The following CDK14 variants were observed in gnomAD, a reference collection of about 807,000 sequenced individuals.
The protein encoded by CDK14 is cyclin dependent kinase 14, also known as cyclin-dependent kinase 14.
A neutral mutation model predicts 60.7 loss-of-function variants in CDK14; 34 were observed. The observed-to-expected ratio is 0.56, with a 90% CI of 0.43 to 0.75. CDK14 has a LOEUF of 0.75. Ranked by LOEUF, CDK14 falls within the 30% of genes least tolerant of loss-of-function variation. CDK14 has a pLI of 0.00. For missense variants in CDK14, 482 were observed against 564.1 expected (o/e 0.85, Z 1.47); for synonymous variants, 197 against 203.7 (o/e 0.97, Z 0.28).
intron 14 of CDK14, among the ~76,000 whole-genome samples, chr7:91,181,928 G>T (rs1234089756): frequency 1.3e-5 from 2 of 152,028 alleles, no homozygotes; most frequent in Non-Finnish European, 2.9e-5. Flanking sequence ...AGTACTAAGG[G>T]TATACATTGC....
chr7:90,600,948 G>T (rs924247093), intron 1 of CDK14, among the ~76,000 whole-genome samples: 1 of 152,196 alleles, frequency 6.6e-6, no homozygotes, highest in Non-Finnish European at 1.5e-5. Context: ...AATGTGGGTG[G>T]TCCCTGTCCT....
intron 12 of CDK14, among the ~76,000 whole-genome samples, chr7:91,094,483 C>T (rs1450732907): frequency 6.6e-6 from 1 of 152,160 alleles, no homozygotes; most frequent in East Asian, 1.9e-4. Context: ...CACGTCTGTG[C>T]CTCACAGCAT....
intron 3 of CDK14, among the ~76,000 whole-genome samples, chr7:90,746,976 AC>A (rs1264135470): frequency 1.3e-5 from 2 of 152,222 alleles, no homozygotes; most frequent in Non-Finnish European, 2.9e-5. Flanking sequence ...ATCATGATTT[AC>A]AATGGGATAC....
chr7:90,663,879 A>C (rs1286906700), intron 2 of CDK14, among the ~76,000 whole-genome samples: 3 of 152,180 alleles, frequency 2.0e-5, no homozygotes, highest in Non-Finnish European at 2.9e-5. Context: ...CACATATTTT[A>C]TATTTTCCTT....
intron 5 of CDK14, among the ~76,000 whole-genome samples, chr7:90,841,269 A>T (rs1790281232): frequency 6.6e-6 from 1 of 152,158 alleles, no homozygotes; most frequent in African/African-American, 2.4e-5. Flanking sequence ...CAATATAGAA[A>T]ACAAACAGTG....
chr7:91,038,418 A>G (rs980042785), intron 10 of CDK14, among the ~76,000 whole-genome samples: 14 of 152,240 alleles, frequency 9.2e-5, no homozygotes, highest in African/African-American at 3.4e-4. Context: ...TTAGAGTCCA[A>G]TGAAAGAAAT....
At chr7:90,652,911 G>C (rs567428176) in intron 2 of CDK14, among the ~76,000 whole-genome samples, 121 of 152,226 alleles carry the variant, frequency 7.9e-4, no homozygotes, top group African/African-American at 2.7e-3. Flanking sequence ...CTGTGTCTTT[G>C]CTTGTTTGCA....
At chr7:90,662,433 C>T (rs1800882802) in intron 2 of CDK14, among the ~76,000 whole-genome samples, 1 of 152,152 alleles carries the variant, frequency 6.6e-6, no homozygotes, top group African/African-American at 2.4e-5. Flanking sequence ...GAGATGGGGA[C>T]ATTTAAATGG....
rs182540772 is a variant in CDK14 at position 90,755,880 on chromosome 7, T to C, written c.464+8105T>C. Among the ~76,000 whole-genome samples, 8 of 152,320 alleles carry C rather than the reference T, an allele frequency of 5.3e-5. No individual in the cohort carries two copies. In the East Asian group the frequency reaches 1.5e-3, roughly 29 times the overall value. On this transcript the variant is annotated intron_variant, in intron 4 of 14. Coordinates refer to ENST00000380050, the MANE Select transcript of CDK14 (RefSeq NM_001287135.2). ...AATTTAGTGTCAATAACATGATAAC[T>C]ACCCTTTATTAAGCAATTATTTTGT...
intron 2 of CDK14, among the ~76,000 whole-genome samples, chr7:90,673,327 G>A (rs992554035): frequency 6.6e-6 from 1 of 152,132 alleles, no homozygotes; most frequent in African/African-American, 2.4e-5. Context: ...GAAAGAAGAG[G>A]GAGTGATGCT....
chr7:90,753,706 C>A (rs1803939769), intron 4 of CDK14, among the ~76,000 whole-genome samples: 1 of 152,126 alleles, frequency 6.6e-6, no homozygotes, highest in Non-Finnish European at 1.5e-5. Flanking sequence ...TCCATCTTTG[C>A]TGACAATATG....
intron 5 of CDK14, among the ~76,000 whole-genome samples, chr7:90,853,910 C>T (rs1356954650): frequency 2.0e-5 from 3 of 152,114 alleles, no homozygotes; most frequent in East Asian, 1.9e-4. Flanking sequence ...CCTGGAGCTG[C>T]GGCTGTTGCG....
intron 10 of CDK14, among the ~76,000 whole-genome samples, chr7:91,035,908 A>G (rs1340233514): frequency 2.0e-5 from 3 of 146,866 alleles, no homozygotes; most frequent in African/African-American, 5.1e-5. Flanking sequence ...CAGTGGCGCA[A>G]TCTCGGCTCA....
At chr7:91,134,954 A>G (rs1584109552) in intron 14 of CDK14, among the ~76,000 whole-genome samples, 1 of 152,258 alleles carries the variant, frequency 6.6e-6, no homozygotes, top group East Asian at 1.9e-4. Context: ...GAACCAGCTT[A>G]TTAAATTGGC....
intron 5 of CDK14, among the ~76,000 whole-genome samples, chr7:90,807,424 A>G (rs932201651): frequency 6.6e-6 from 1 of 152,210 alleles, no homozygotes; most frequent in Non-Finnish European, 1.5e-5. Context: ...TAGAAGGAAA[A>G]CTAACAAACA....
At chr7:91,060,455 G>A (rs1285397457) in intron 11 of CDK14, among the ~76,000 whole-genome samples, 1 of 152,108 alleles carries the variant, frequency 6.6e-6, no homozygotes, top group Admixed American at 6.5e-5. Context: ...GATGTTAGCT[G>A]GTGATTTTGC....
At chr7:90,783,934 A>G (rs1404795435) in intron 4 of CDK14, among the ~76,000 whole-genome samples, 1 of 152,122 alleles carries the variant, frequency 6.6e-6, no homozygotes, top group African/African-American at 2.4e-5. Flanking sequence ...TATCTATCCA[A>G]AGGAAAGGAA....
Position 90,951,064 on chromosome 7 carries a change from T to G in CDK14, c.827-4633T>G, listed in dbSNP as rs377032680. Among the ~76,000 whole-genome samples the G allele has an allele frequency of 4.6e-5, 7 of 152,236 alleles. No homozygotes were observed. The South Asian group carries it at 6.2e-4, about 14-fold the overall frequency. ...GAGATTCTTGGCCAGTCTTTGGCTG[T>G]GGAATGGGAATGAAATCCAAAAGCC... is the stretch of plus-strand genomic sequence containing the variant. On this transcript the variant is annotated intron_variant, in intron 8 of 14. Transcript: ENST00000380050.
chr7:91,093,584 T>C (rs888686378), intron 12 of CDK14, among the ~76,000 whole-genome samples: 57 of 152,290 alleles, frequency 3.7e-4, no homozygotes, highest in African/African-American at 1.3e-3. Flanking sequence ...ATATTGAAAA[T>C]ATTTGTTCTT....
Sources: gnomAD v4.1 joint callset for allele counts (sites outside exome capture counted in the v4.1 genomes callset) on GRCh38, gnomAD v4.1.1 for gene constraint, MANE v1.5 for transcripts, NCBI Gene and HGNC (gene_info 2026-07-23, HGNC 2026-07-21) for gene names.